FHIT: variants seen among roughly 807,000 people sequenced by gnomAD.
FHIT encodes bis(5'-adenosyl)-triphosphatase.
Under a neutral mutation model 17.9 loss-of-function variants are expected in FHIT, and 19 were observed. That is an observed-to-expected ratio of 1.06 (90% CI 0.74 to 1.56). FHIT has a LOEUF of 1.56. FHIT is among the 40% of genes most tolerant of loss of function. The pLI is 0.00. For missense variants in FHIT, 248 were observed against 189.2 expected, an observed-to-expected ratio of 1.31 and a Z score of -1.82; for synonymous variants, 81 against 69.7, an observed-to-expected ratio of 1.16 and a Z score of -0.81.
At chr3:59,830,548 T>C (rs1258536288) in intron 8 of FHIT, among the ~76,000 whole-genome samples, 2 of 152,268 alleles carry the variant, frequency 1.3e-5, no homozygotes, top group African/African-American at 4.8e-5. Flanking sequence ...GAAAAATCTT[T>C]GGGATTTTGC....
intron 5 of FHIT, among the ~76,000 whole-genome samples, chr3:60,113,918 C>T (rs1224829020): frequency 2.2e-5 from 3 of 136,884 alleles, no homozygotes; most frequent in Admixed American, 7.7e-5. Flanking sequence ...AGGAGAATGG[C>T]GTGAACCCGG....
intron 4 of FHIT, among the ~76,000 whole-genome samples, chr3:60,705,795 C>A (rs2041358176): frequency 6.6e-6 from 1 of 152,174 alleles, no homozygotes; most frequent in Non-Finnish European, 1.5e-5. Context: ...GTCTCACACC[C>A]ACCATCTCTC....
intron 1 of FHIT, among the ~76,000 whole-genome samples, chr3:61,210,824 G>C (rs779708384): frequency 1.3e-5 from 2 of 151,786 alleles, no homozygotes; most frequent in Non-Finnish European, 2.9e-5. Context: ...TGCACCCACT[G>C]TATTGCACTC....
intron 3 of FHIT, among the ~76,000 whole-genome samples, chr3:61,015,055 G>A (rs2032031694): frequency 6.6e-6 from 1 of 151,630 alleles, no homozygotes; most frequent in African/African-American, 2.4e-5. Context: ...AATCAAAGAA[G>A]CTCCTAGACA....
rs61076573 is a variant in FHIT at position 59,910,455 on chromosome 3, G to C, written c.348+11891C>G. Among the ~76,000 whole-genome samples, 1,258 of 152,248 alleles carry C rather than the reference G, an allele frequency of 8.3e-3. 24 individuals are homozygous for C. The highest frequency in any genetic ancestry group is 0.029 in the African/African-American group (1,211 of 41,544). On this transcript the variant is annotated intron_variant, in intron 8 of 9. Transcript: ENST00000492590. ...TAGCTTAGTGATTTGGGGGCCCCAAGATTTCCTTTCACATTTCCCCCCCTT... is the reference window on the plus strand; with the variant it reads ...TAGCTTAGTGATTTGGGGGCCCCAACATTTCCTTTCACATTTCCCCCCCTT...
intron 3 of FHIT, among the ~76,000 whole-genome samples, chr3:60,873,211 C>A (rs782047181): frequency 6.6e-6 from 1 of 151,590 alleles, no homozygotes; most frequent in African/African-American, 2.4e-5. Context: ...CAATGCAGAA[C>A]CAAAGTGGAT....
chr3:60,719,976 A>G (rs2041773331), intron 4 of FHIT, among the ~76,000 whole-genome samples: 1 of 152,150 alleles, frequency 6.6e-6, no homozygotes, highest in South Asian at 2.1e-4. Flanking sequence ...CTGCAACCAG[A>G]GAGATCTCCC....
chr3:60,407,706 AG>A (rs1701922538), intron 5 of FHIT, among the ~76,000 whole-genome samples: 1 of 152,020 alleles, frequency 6.6e-6, no homozygotes, highest in African/African-American at 2.4e-5. Flanking sequence ...TAGTCGAGAC[AG>A]GGTTTCACCA....
At chr3:60,950,953 A>G (rs1708860624) in intron 3 of FHIT, among the ~76,000 whole-genome samples, 2 of 152,184 alleles carry the variant, frequency 1.3e-5, no homozygotes, top group South Asian at 4.1e-4. Context: ...TGTGACCATG[A>G]AGACAAAAAA....
At chr3:60,353,400 C>T (rs1293309255) in intron 5 of FHIT, among the ~76,000 whole-genome samples, 2 of 152,120 alleles carry the variant, frequency 1.3e-5, no homozygotes, top group Non-Finnish European at 2.9e-5. Context: ...AGAGGGTCTA[C>T]TAAAAAGGCT....
At chr3:60,859,091 G>A (rs1020050257) in intron 3 of FHIT, among the ~76,000 whole-genome samples, 1 of 152,070 alleles carries the variant, frequency 6.6e-6, no homozygotes, top group African/African-American at 2.4e-5. Flanking sequence ...CTGCATTTGT[G>A]GTATTTACAG....
chr3:59,756,063 T>A (rs566613904), intron 8 of FHIT, among the ~76,000 whole-genome samples: 13 of 152,324 alleles, frequency 8.5e-5, no homozygotes, highest in Non-Finnish European at 1.9e-4. Context: ...TCCCTGCTGC[T>A]GCTACTACTG....
chr3:60,955,566 AC>A (rs1330343763), intron 3 of FHIT, among the ~76,000 whole-genome samples: 1 of 145,454 alleles, frequency 6.9e-6, no homozygotes, highest in Non-Finnish European at 1.5e-5. Context: ...ATACTTAAAA[AC>A]TAAAATGTAT....
intron 5 of FHIT, among the ~76,000 whole-genome samples, chr3:60,275,402 C>T (rs1278588955): frequency 6.6e-6 from 1 of 152,186 alleles, no homozygotes; most frequent in Non-Finnish European, 1.5e-5. Flanking sequence ...TAAAGTAATG[C>T]AGAACAAGCC....
intron 5 of FHIT, among the ~76,000 whole-genome samples, chr3:60,362,730 C>G (rs1243497374): frequency 6.6e-6 from 1 of 152,174 alleles, no homozygotes; most frequent in African/African-American, 2.4e-5. Context: ...TTTCCCTTGA[C>G]TCATTTTCTT....
At chr3:60,560,844 C>CACACAG (rs139684970) in intron 4 of FHIT, among the ~76,000 whole-genome samples, 2,916 of 122,182 alleles carry the variant, frequency 0.024, 37 homozygotes, top group East Asian at 0.053. Flanking sequence ...CACACACACA[C>CACACAG]AGAGAGAGAG....
intron 5 of FHIT, among the ~76,000 whole-genome samples, chr3:60,144,548 G>A (rs17062360): frequency 0.14 from 21,467 of 151,978 alleles, 2,525 homozygotes; most frequent in African/African-American, 0.32. Context: ...ATTTGCTTTA[G>A]GTAAGTCTTG....
At chr3:60,130,764 G>GTGTTTT (rs1441695402) in intron 5 of FHIT, among the ~76,000 whole-genome samples, 3 of 4,192 alleles carry the variant, frequency 7.2e-4, no homozygotes, top group African/African-American at 1.1e-3. Context: ...GTGTGTGTGT[G>GTGTTTT]TTTGTGTGTG....
intron 8 of FHIT, among the ~76,000 whole-genome samples, chr3:59,823,057 G>A (rs1200459790): frequency 6.6e-6 from 1 of 152,162 alleles, no homozygotes; most frequent in African/African-American, 2.4e-5. Context: ...TGAATAGGAT[G>A]TCTTTTCCCC....
Sources: gnomAD v4.1 joint callset for allele counts (sites outside exome capture counted in the v4.1 genomes callset) on GRCh38, gnomAD v4.1.1 for gene constraint, MANE v1.5 for transcripts, NCBI Gene and HGNC (gene_info 2026-07-23, HGNC 2026-07-21) for gene names.